SEC14L1: variants seen among roughly 807,000 people sequenced by gnomAD.
SEC14L1 encodes the protein SEC14-like protein 1.
In SEC14L1, 48 loss-of-function variants were observed where a neutral mutation model predicts 85.3. That is an observed-to-expected ratio of 0.56 (90% CI 0.45 to 0.72). The LOEUF is 0.72. SEC14L1 is among the 30% of genes least tolerant of loss of function. The pLI is 0.00. For synonymous variants in SEC14L1, 391 were observed against 355.5 expected, an observed-to-expected ratio of 1.10 and a Z score of -1.12; for missense variants, 682 against 921.4, an observed-to-expected ratio of 0.74 and a Z score of 3.36.
intron 3 of SEC14L1, among the ~76,000 whole-genome samples, chr17:77,164,919 G>A (rs1244339056): frequency 6.6e-6 from 1 of 152,192 alleles, no homozygotes; most frequent in Non-Finnish European, 1.5e-5. Flanking sequence ...AGGCCACAAT[G>A]GAGCTGAGCA....
chr17:77,214,370 G>A lies in SEC14L1; in HGVS notation c.*347G>A, dbSNP rs1275561590. 1.9e-6 allele frequency: 2 copies of A among 1,026,146 alleles called. No individual in the cohort carries two copies. The highest frequency in any genetic ancestry group is 1.7e-5 in the African/African-American group (1 of 58,490). 63.6% of individuals were successfully genotyped at this position (1,026,146 alleles called of 1,614,324 possible). On this transcript the variant is annotated 3_prime_UTR_variant, in exon 17 of 17. Transcript: ENST00000436233. Reference sequence around the variant, plus strand: ...AAATTTTTCCAACGAACTCCGCATTGTCCATTAGTGAATGAATTCCTGTGA... The same window carrying A: ...AAATTTTTCCAACGAACTCCGCATTATCCATTAGTGAATGAATTCCTGTGA...
At chr17:77,125,041 G>C (rs949731774) in intron 3 of SEC14L1, among the ~76,000 whole-genome samples, 8 of 150,954 alleles carry the variant, frequency 5.3e-5, no homozygotes, top group African/African-American at 1.9e-4. Flanking sequence ...GTCTCGCTTT[G>C]TTGCTCAGGC....
intron 3 of SEC14L1, among the ~76,000 whole-genome samples, chr17:77,188,600 GA>G (rs1975379628): frequency 6.6e-6 from 1 of 152,108 alleles, no homozygotes; most frequent in African/African-American, 2.4e-5. Flanking sequence ...ACGCTGCTAT[GA>G]ATGTTTGTAT....
intron 13 of SEC14L1, 148 bp downstream of exon 13, chr17:77,207,010 C>CT (rs1976494847): frequency 1.3e-6 from 1 of 742,142 alleles, no homozygotes; most frequent in Admixed American, 3.4e-5. Flanking sequence ...TTCTCTGATC[C>CT]AGGGTTAAGC....
Position 77,215,622 on chromosome 17 carries a change from G to T in SEC14L1, c.*1599G>T. ...ACACTGTAGACGTCCCAGGGCCTGT[G>T]CTGTGATCACCTGCCTTTGGACCAC... On this transcript the variant is annotated 3_prime_UTR_variant, in exon 17 of 17. Transcript: ENST00000436233. 1 of 990,220 alleles carries T rather than the reference G, an allele frequency of 1.0e-6. No homozygotes were observed. The highest frequency in any genetic ancestry group is 1.2e-6 in the Non-Finnish European group (1 of 832,080). 61.3% of individuals were successfully genotyped at this position (990,220 alleles called of 1,614,324 possible).
chr17:77,089,629 T>G, intron 2 of SEC14L1: 1 of 398,574 alleles, frequency 2.5e-6, no homozygotes, highest in Non-Finnish European at 5.0e-6. Flanking sequence ...TGTTAAATGT[T>G]ACGGATACAG....
chr17:77,179,978 A>C (rs113414298), intron 3 of SEC14L1, among the ~76,000 whole-genome samples: 1 of 148,686 alleles, frequency 6.7e-6, no homozygotes, highest in African/African-American at 2.5e-5. Flanking sequence ...CGCCTGGCCT[A>C]CGTATTTGTT....
At chr17:77,203,109 C>G (rs1420826621) in intron 9 of SEC14L1, among the ~76,000 whole-genome samples, 2 of 152,006 alleles carry the variant, frequency 1.3e-5, no homozygotes, top group African/African-American at 2.4e-5. Context: ...AAATGATTTT[C>G]TAAGAAAGAA....
Position 77,214,631 on chromosome 17 carries a change from G to A in SEC14L1, c.*608G>A, listed in dbSNP as rs890902626. ...CACACCACCCACTGTCCTGCAGTGGGGCCGGGGGCTCAGGAGGGGCTCTCA... is the reference window on the plus strand; with the variant it reads ...CACACCACCCACTGTCCTGCAGTGGAGCCGGGGGCTCAGGAGGGGCTCTCA... On this transcript the variant is annotated 3_prime_UTR_variant, in exon 17 of 17. Transcript: ENST00000436233. 2 of 985,788 alleles carry A rather than the reference G, an allele frequency of 2.0e-6. No homozygotes were observed. The highest frequency in any genetic ancestry group is 2.4e-6 in the Non-Finnish European group (2 of 830,290). The allele number at this position is 985,788 out of a possible 1,614,324, so 61.1% of individuals were successfully genotyped here.
intron 3 of SEC14L1, among the ~76,000 whole-genome samples, chr17:77,129,207 A>G (rs80024418): frequency 0.011 from 1,667 of 152,288 alleles, 31 homozygotes; most frequent in African/African-American, 0.038. Flanking sequence ...CATTTACAAA[A>G]TGTTTTCATC....
At position 77,122,402 on chromosome 17, in the gene SEC14L1, A is replaced by G. The variant is rs1241316861; in HGVS notation, c.-135-20244A>G. ...CTGTAGCCTCAACTTTCCGAGCTCA[A>G]GTGATCCTCCTGCCTCAGCCTCCTG... On this transcript the variant is annotated intron_variant, in intron 3 of 19. Coordinates refer to the SEC14L1 transcript ENST00000392476. 2.0e-5 allele frequency among the ~76,000 whole-genome samples: 3 copies of G among 151,942 alleles called. No individual in the cohort carries two copies. The East Asian group carries it at 5.8e-4, about 29-fold the overall frequency.
intron 2 of SEC14L1, among the ~76,000 whole-genome samples, chr17:77,091,197 C>G (rs973837743): frequency 3.3e-5 from 5 of 152,086 alleles, no homozygotes; most frequent in Non-Finnish European, 7.4e-5. Context: ...AAGCGATTCT[C>G]CTGCCTCAGC....
intron 9 of SEC14L1, among the ~76,000 whole-genome samples, chr17:77,201,915 C>T (rs929709065): frequency 6.6e-6 from 1 of 152,068 alleles, no homozygotes; most frequent in African/African-American, 2.4e-5. Flanking sequence ...TAAATGTTAC[C>T]CTCTAACCCT....
At chr17:77,153,504 C>T (rs1409300406) in intron 3 of SEC14L1, among the ~76,000 whole-genome samples, 5 of 152,182 alleles carry the variant, frequency 3.3e-5, no homozygotes, top group African/African-American at 4.8e-5. Context: ...CCAAATTAAA[C>T]TAGGCCATTC....
intron 3 of SEC14L1, among the ~76,000 whole-genome samples, chr17:77,112,829 G>A (rs1017358711): frequency 8.6e-5 from 13 of 151,348 alleles, no homozygotes; most frequent in South Asian, 2.1e-4. Flanking sequence ...AGCCAAGATC[G>A]CGCCACTGCA....
rs1175570083 is a variant in SEC14L1 at position 77,215,163 on chromosome 17, T to A, written c.*1140T>A. The A allele has an allele frequency of 1.0e-6, 1 of 985,096 alleles. No homozygotes were observed. Among genetic ancestry groups the A allele is most frequent in the Non-Finnish European group, 1.2e-6 (1 of 829,844 alleles). The allele number at this position is 985,096 out of a possible 1,614,324, so 61.0% of individuals were successfully genotyped here. A position where few individuals can be genotyped will look rare whatever the true frequency, so the allele number is the denominator to read the frequency against. On this transcript the variant is annotated 3_prime_UTR_variant, in exon 17 of 17. Coordinates refer to ENST00000436233, the MANE Select transcript of SEC14L1 (RefSeq NM_001143998.2). ...AAACTTAGTTTGAGTAATGAAGGAA[T>A]CTTCACAGAAGCAAATCAGAATATG...
intron 3 of SEC14L1, among the ~76,000 whole-genome samples, chr17:77,121,600 A>C (rs1042330684): frequency 2.9e-4 from 44 of 152,068 alleles, no homozygotes; most frequent in African/African-American, 1.0e-3. Flanking sequence ...CTCGTGATCC[A>C]CCCACCTCGG....
At chr17:77,152,517 C>G (rs1409271157) in intron 3 of SEC14L1, 3 of 133,294 alleles carry the variant, frequency 2.3e-5, no homozygotes, top group Non-Finnish European at 3.1e-5. Context: ...GCCTGGGTGA[C>G]AGAGCGAGAC....
At chr17:77,165,626 A>C (rs1452059708) in intron 3 of SEC14L1, among the ~76,000 whole-genome samples, 1 of 152,142 alleles carries the variant, frequency 6.6e-6, no homozygotes, top group Admixed American at 6.5e-5. Flanking sequence ...TTATATGATA[A>C]GGGGAGTGTT....
Sources: allele counts gnomAD v4.1 joint callset (sites outside exome capture counted in the v4.1 genomes callset), GRCh38; gene constraint gnomAD v4.1.1; transcripts MANE v1.5; gene names NCBI Gene and HGNC (gene_info 2026-07-23, HGNC 2026-07-21).